Variants in UBE3B observed in about 807,000 individuals in gnomAD.
UBE3B encodes ubiquitin-protein ligase E3B.
UBE3B carries 80 observed loss-of-function variants against 132.3 expected under a neutral mutation model. That is an observed-to-expected ratio of 0.60 (90% CI 0.50 to 0.73). The LOEUF (loss-of-function observed/expected upper bound fraction) is 0.73. Ranked by LOEUF, UBE3B falls within the 30% of genes least tolerant of loss-of-function variation. The probability of loss-of-function intolerance (pLI) is 0.00; values close to 1 mark genes in which losing one functional copy is unlikely to be tolerated. For synonymous variants in UBE3B, 487 were observed against 520.4 expected (o/e 0.94, Z 0.87); for missense variants, 1,196 against 1,362.5 (o/e 0.88, Z 1.92).
rs148129849 is a variant in UBE3B at position 109,525,648 on chromosome 12, C to T, written c.2569-710C>T. Among the ~76,000 whole-genome samples the T allele has an allele frequency of 5.9e-5, 9 of 152,256 alleles. No homozygotes were observed. The East Asian group carries it at 1.7e-3, about 29-fold the overall frequency. ...GAAGTGTTCTTGAAGTTGAAAGAAG[C>T]AGTTGATTTTACAGAGTTTAAAATA... On this transcript the variant is annotated intron_variant, in intron 23 of 27. Coordinates refer to ENST00000342494, the MANE Select transcript of UBE3B (RefSeq NM_130466.4).
intron 14 of UBE3B, among the ~76,000 whole-genome samples, chr12:109,505,335 C>T (rs61941633): frequency 0.016 from 2,393 of 152,336 alleles, 74 homozygotes; most frequent in Admixed American, 0.07. Context: ...CTCTGCCAGG[C>T]CCAGTGTCTC....
At position 109,483,862 on chromosome 12, in the gene UBE3B, A is replaced by G. The variant is rs942863566; in HGVS notation, c.163A>G (p.Arg55Gly). Residue 55 changes from arginine to glycine, a missense_variant and splice_region_variant, in exon 4 of 28, where the codon AGA becomes GGA. Physicochemically the swap from Arg to Gly is moderately radical, Grantham distance 125. Coordinates refer to ENST00000342494, the MANE Select transcript of UBE3B (RefSeq NM_130466.4). ...CTTTTTTTGCACTTTCTTTTCTAGG[A>G]GAGAGATTGATGACTTTTTTAAAGC... ...CRSRLQRDIR[R>G]EIDDFFKADD... is the part of the protein sequence containing the mutation. 7.5e-6 allele frequency: 12 copies of G among 1,609,632 alleles called. No individual in the cohort carries two copies. The highest frequency in any genetic ancestry group is 1.0e-5 in the Non-Finnish European group (12 of 1,178,060).
In UBE3B at chr12:109,499,726, G is replaced by C. The variant is rs754140991; in HGVS notation, c.1034G>C (p.Cys345Ser). 5 of 1,613,630 alleles carry C rather than the reference G, an allele frequency of 3.1e-6. No individual in the cohort carries two copies. The highest frequency in any genetic ancestry group is 1.7e-5 in the Admixed American group (1 of 59,994). ...VSLLTQTLCY[C>S]RKYVSQKKSN... The stretch of plus-strand genomic sequence containing the variant: ...TTGCTCACCCAGACGCTGTGCTACT[G>C]TCGGAAGTATGTGTCTCAGAAGAAG... The change falls in exon 12 of 28, where the codon TGT becomes TCT. Residue 345 changes from cysteine (C) to serine (S), a missense_variant. Cys to Ser is a moderately radical substitution (Grantham distance 112). Coordinates refer to ENST00000342494, the MANE Select transcript of UBE3B (RefSeq NM_130466.4).
At chr12:109,491,346 A>G (rs1360750920) in intron 9 of UBE3B, 1 of 403,520 alleles carries the variant, frequency 2.5e-6, no homozygotes, top group Admixed American at 4.2e-5. Flanking sequence ...CCTGAATATT[A>G]TTGCAGTGTG....
In UBE3B at chr12:109,486,054, G is replaced by A. The variant is rs1321363024; in HGVS notation, c.325G>A (p.Ala109Thr). 6.4e-7 allele frequency: 1 copy of A among 1,556,420 alleles called. No homozygotes were observed. The highest frequency in any genetic ancestry group is 1.2e-5 in the South Asian group (1 of 84,366). ...LCRSILSSMDAENEPKVWYVS... is the reference protein window; with the variant it reads ...LCRSILSSMDTENEPKVWYVS... ...TCGCAGCATCCTGAGCAGCATGGAT[G>A]CTGAGAATGAGCCTAAGGTAAGTGG... The change falls in exon 5 of 28, where the codon GCT becomes ACT. Residue 109 changes from alanine to threonine, a missense_variant. Transcript: ENST00000342494.
chr12:109,490,569 G>T, intron 8 of UBE3B: 1 of 1,535,934 alleles, frequency 6.5e-7, no homozygotes, highest in South Asian at 1.2e-5. Context: ...GGCAGAAGCT[G>T]GTATGACTGG....
At chr12:109,483,428 C>T in intron 2 of UBE3B, 103 bp from the exon 3 acceptor site, 1 of 1,243,760 alleles carries the variant, frequency 8.0e-7, no homozygotes. Context: ...TCCTGAGTAT[C>T]TCTGCTGCCC....
rs201028903 is a variant in UBE3B at position 109,499,714 on chromosome 12, C to T, written c.1022C>T (p.Thr341Met). 631 of 1,613,458 alleles carry T rather than the reference C, an allele frequency of 3.9e-4. 1 individual carries two copies. Among genetic ancestry groups the T allele is most frequent in the Admixed American group, 1.1e-3 (65 of 59,962 alleles). The change falls in exon 12 of 28, where the codon ACG becomes ATG. Residue 341 changes from threonine (T) to methionine (M), a missense_variant. By Grantham distance (81) the Thr-to-Met change is moderately conservative (BLOSUM62 -1). Coordinates refer to ENST00000342494, the MANE Select transcript of UBE3B (RefSeq NM_130466.4). ...GGGTTCGTGAGTTTGCTCACCCAGA[C>T]GCTGTGCTACTGTCGGAAGTATGTG... ...TDGFVSLLTQ[T>M]LCYCRKYVSQ...
Position 109,522,273 on chromosome 12 carries a change from C to T in UBE3B, c.2364+722C>T, listed in dbSNP as rs896260708. On this transcript the variant is annotated intron_variant, in intron 21 of 27. Transcript: ENST00000342494. The surrounding 1 kb of genome is among the most constrained non-coding windows in gnomAD (Gnocchi z 4.2). The stretch of plus-strand genomic sequence containing the variant: ...ACTAAGAGGAAGTGAGTCTGGGTTT[C>T]CACTCTGTGGCCTGATGGGGTCAGG... Among the ~76,000 whole-genome samples the T allele has an allele frequency of 3.3e-5, 5 of 152,186 alleles. No homozygotes were observed. The highest frequency in any genetic ancestry group is 7.3e-5 in the Non-Finnish European group (5 of 68,046).
intron 15 of UBE3B, chr12:109,509,048 T>C (rs1880029822): frequency 6.6e-6 from 1 of 152,268 alleles, no homozygotes; most frequent in Non-Finnish European, 1.5e-5. Context: ...TACAGATTTT[T>C]TCTTAATTGT....
intron 9 of UBE3B, among the ~76,000 whole-genome samples, chr12:109,496,046 A>T (rs1442671348): frequency 6.6e-6 from 1 of 152,184 alleles, no homozygotes; most frequent in Non-Finnish European, 1.5e-5. Context: ...AAGAAACCTA[A>T]TACCCATTAG....
chr12:109,499,606 A>C lies in UBE3B; in HGVS notation c.941-27A>C, dbSNP rs369731773. On this transcript the variant is annotated intron_variant, in intron 11 of 27. Coordinates refer to ENST00000342494, the MANE Select transcript of UBE3B (RefSeq NM_130466.4). ...GGCACCAAAATGTTTGTCTGGGCCC[A>C]TCACACTCAGCCTTCTCTCTCTGTA... 5.5e-5 allele frequency: 85 copies of C among 1,549,364 alleles called. No individual in the cohort carries two copies. In the South Asian group the frequency reaches 9.9e-4, roughly 18 times the overall value.
At chr12:109,537,026 G>T (rs1011395760), downstream of UBE3B, among the ~76,000 whole-genome samples, 65 of 152,002 alleles carry the variant, frequency 4.3e-4, no homozygotes, top group Admixed American at 7.2e-4. Context: ...TTCTTTTTTT[G>T]TTTTTTTGAG....
intron 1 of UBE3B, among the ~76,000 whole-genome samples, chr12:109,478,618 TAA>T: frequency 6.6e-6 from 1 of 152,226 alleles, no homozygotes; most frequent in East Asian, 1.9e-4. Context: ...GCATCTCTAC[TAA>T]AAATACAAAA....
rs1012775112 is a variant in UBE3B, at chr12:109,489,985, G to C, written c.611G>C (p.Gly204Ala). ...ANIMGHLNQH[G>A]FYSVLQILLT... is the part of the protein sequence containing the mutation. The stretch of plus-strand genomic sequence containing the variant: ...ATAATGGGACATCTCAACCAGCATG[G>C]ATTTTATTCTGTGCTGCAGGTCTGT... The change falls in exon 8 of 28, where the codon GGA becomes GCA. Residue 204 changes from glycine (G) to alanine (A), a missense_variant. Transcript: ENST00000342494. 3.1e-6 allele frequency: 5 copies of C among 1,614,056 alleles called. No individual in the cohort carries two copies. The highest frequency in any genetic ancestry group is 3.4e-6 in the Non-Finnish European group (4 of 1,180,050).
chr12:109,539,793 G>A (rs1405707307), downstream of UBE3B, among the ~76,000 whole-genome samples: 1 of 152,174 alleles, frequency 6.6e-6, no homozygotes, highest in Non-Finnish European at 1.5e-5. Flanking sequence ...AGCCCCTGGT[G>A]TGCAGGCTCC....
chr12:109,509,702 G>A lies in UBE3B; in HGVS notation c.1729G>A (p.Asp577Asn). ...LNSFVFKMIW[D>N]GIVENAKGET... ...TTCTTTTGTGTTTAAGATGATCTGG[G>A]ATGGAATTGTAGGTAAGAGAAAAGG... Residue 577 changes from aspartate (D) to asparagine (N), a missense_variant, in exon 16 of 28, where the codon GAT (aspartate) becomes AAT (asparagine). Asp to Asn is a conservative substitution (Grantham distance 23, BLOSUM62 1). Transcript: ENST00000342494. The A allele has an allele frequency of 6.2e-7, 1 of 1,604,438 alleles. No individual in the cohort carries two copies. The highest frequency in any genetic ancestry group is 1.1e-5 in the South Asian group (1 of 88,674).
At chr12:109,533,781 C>CT (rs1471693548) in intron 27 of UBE3B, 1 of 872,350 alleles carries the variant, frequency 1.1e-6, no homozygotes, top group South Asian at 1.4e-5. Flanking sequence ...GCCCCTTTCT[C>CT]TTTCCTTCCT....
chr12:109,484,539 G>A (rs1043730274), intron 4 of UBE3B, among the ~76,000 whole-genome samples: 4 of 152,110 alleles, frequency 2.6e-5, no homozygotes, highest in South Asian at 4.2e-4. Flanking sequence ...CTATAGGCTC[G>A]TGCCACCACG....
Sources: allele counts gnomAD v4.1 joint callset (sites outside exome capture counted in the v4.1 genomes callset), GRCh38; gene constraint gnomAD v4.1.1; non-coding constraint Gnocchi (gnomAD v3.1); transcripts MANE v1.5; gene names NCBI Gene and HGNC (gene_info 2026-07-23, HGNC 2026-07-21).